Variants in TRAK2 observed in about 807,000 individuals in gnomAD.
TRAK2 encodes trafficking kinesin protein 2, also known as trafficking kinesin-binding protein 2.
TRAK2 carries 81 observed loss-of-function variants against 104.6 expected under a neutral mutation model. The ratio of observed to expected loss-of-function variants is 0.77; its 90% CI spans 0.65 to 0.93. The LOEUF is 0.93. Among genes scored for constraint, TRAK2 ranks in the 40% least tolerant of loss-of-function variants. The pLI is 0.00. For missense variants in TRAK2, 1,002 were observed against 1,089.0 expected (o/e 0.92, Z 1.12); for synonymous variants, 406 against 394.4 (o/e 1.03, Z -0.35).
chr2:201,407,909 C>T (rs1951609685), intron 2 of TRAK2, among the ~76,000 whole-genome samples: 1 of 152,056 alleles, frequency 6.6e-6, no homozygotes, highest in Non-Finnish European at 1.5e-5. Flanking sequence ...GATATTTTGA[C>T]ACCTGTATAC....
intron 1 of TRAK2, among the ~76,000 whole-genome samples, chr2:201,422,137 T>C (rs1951746760): frequency 6.6e-6 from 1 of 151,402 alleles, no homozygotes. Flanking sequence ...AATGCACACA[T>C]GCTGTAACTT....
At chr2:201,411,945 G>A in intron 2 of TRAK2, 2 of 982,082 alleles carry the variant, frequency 2.0e-6, no homozygotes, top group Non-Finnish European at 3.3e-6. Context: ...TGAATGGAAG[G>A]AGCTTCTAGT....
At position 201,430,419 on chromosome 2, in the gene TRAK2, C is replaced by T. The variant is rs529099804; in HGVS notation, c.-199-9713G>A. On this transcript the variant is annotated intron_variant, in intron 1 of 15. Transcript: ENST00000332624. ...TGCCTTTTGTTCAGCTATGCCCTGT[C>T]CCCAGAGGTGGAGTCTACAGAGGCA... 1.0e-3 allele frequency among the ~76,000 whole-genome samples: 156 copies of T among 152,366 alleles called. 2 individuals are homozygous for T. Among genetic ancestry groups the T allele is most frequent in the African/African-American group, 3.6e-3 (149 of 41,596 alleles).
chr2:201,416,405 CA>C (rs113793699), intron 2 of TRAK2, among the ~76,000 whole-genome samples: 2 of 150,466 alleles, frequency 1.3e-5, no homozygotes, highest in Admixed American at 1.3e-4. Context: ...GACCCTTTCT[CA>C]AAAAAAAAGT....
At chr2:201,394,965 G>T in intron 8 of TRAK2, 93 bp from the exon 9 acceptor site, 1 of 1,123,872 alleles carries the variant, frequency 8.9e-7, no homozygotes, top group Non-Finnish European at 1.3e-6. Context: ...TTTCTCTCTG[G>T]GGTATCATCT....
intron 1 of TRAK2, among the ~76,000 whole-genome samples, chr2:201,451,018 C>G (rs989846725): frequency 1.3e-5 from 2 of 152,156 alleles, no homozygotes; most frequent in Admixed American, 1.3e-4. Flanking sequence ...GTTTAATGCC[C>G]GACCCTAAAG....
chr2:201,390,690 G>A (rs1418606362), intron 10 of TRAK2, among the ~76,000 whole-genome samples: 1 of 151,578 alleles, frequency 6.6e-6, no homozygotes, highest in African/African-American at 2.4e-5. Flanking sequence ...CAGGGATGAG[G>A]ACTAAATCTA....
chr2:201,381,728 GTTTC>G (rs1280161074), intron 15 of TRAK2, among the ~76,000 whole-genome samples: 1 of 151,612 alleles, frequency 6.6e-6, no homozygotes, highest in Non-Finnish European at 1.5e-5. Flanking sequence ...TCTGGGAGAA[GTTTC>G]TTTCTTTTTA....
rs139072579 is a variant in TRAK2, at chr2:201,381,210, A to C, written c.2078T>G (p.Phe693Cys). 2 of 1,567,394 alleles carry C rather than the reference A, an allele frequency of 1.3e-6. No homozygotes were observed. Among genetic ancestry groups the C allele is most frequent in the Non-Finnish European group, 1.7e-6 (2 of 1,158,642 alleles). ...DITQVTPSSG[F>C]PSLSCGSSGS... The stretch of plus-strand genomic sequence containing the variant: ...GCTACTTCCACAGGATAATGAAGGG[A>C]ACCCAGAGCTTAAAAAAAAAAAAAA... The change falls in exon 16 of 16, where the codon TTC becomes TGC. Residue 693 changes from phenylalanine to cysteine, a missense_variant. Physicochemically the swap from Phe to Cys is radical, Grantham distance 205. Coordinates refer to ENST00000332624, the MANE Select transcript of TRAK2 (RefSeq NM_015049.3).
intron 11 of TRAK2, 57 bp downstream of exon 11, chr2:201,389,744 C>A: frequency 6.8e-7 from 1 of 1,473,182 alleles, no homozygotes; most frequent in Non-Finnish European, 9.3e-7. Context: ...TGGATTGTGG[C>A]TTCTTTTTAA....
At chr2:201,395,245 C>G in intron 8 of TRAK2, 69 bp downstream of exon 8, 1 of 1,355,178 alleles carries the variant, frequency 7.4e-7, no homozygotes, top group Admixed American at 1.9e-5. Context: ...TTGTATCTAG[C>G]ACTTAGCATG....
intron 1 of TRAK2, among the ~76,000 whole-genome samples, chr2:201,443,809 C>G (rs1348935526): frequency 1.3e-5 from 2 of 152,184 alleles, no homozygotes; most frequent in African/African-American, 4.8e-5. Context: ...CAACAAACCT[C>G]CTAACAAGGC....
chr2:201,450,607 T>G (rs1053054365), intron 1 of TRAK2, among the ~76,000 whole-genome samples: 8 of 151,982 alleles, frequency 5.3e-5, no homozygotes, highest in African/African-American at 1.5e-4. Context: ...TCGGGAAGAT[T>G]TACGGAGACC....
intron 14 of TRAK2, among the ~76,000 whole-genome samples, chr2:201,384,660 G>C (rs111515562): frequency 2.0e-5 from 3 of 152,290 alleles, no homozygotes; most frequent in African/African-American, 7.2e-5. Flanking sequence ...AAAAGCAATG[G>C]AAGGCAAAAT....
chr2:201,384,959 A>G (rs1951375660), intron 14 of TRAK2, among the ~76,000 whole-genome samples: 1 of 152,160 alleles, frequency 6.6e-6, no homozygotes, highest in Admixed American at 6.5e-5. Flanking sequence ...ATGGAATACC[A>G]TTTTTACTTG....
rs975953957 is a variant in TRAK2, at chr2:201,451,373, C to G, written c.-223G>C. ...ACTGGAGTGGTTCGGCATCCTCTGT[C>G]GTCCGCCCGCGCTTCCTCAGGAAGC... On this transcript the variant is annotated 5_prime_UTR_variant, in exon 1 of 16. Coordinates refer to ENST00000332624, the MANE Select transcript of TRAK2 (RefSeq NM_015049.3). 6.6e-6 allele frequency: 1 copy of G among 152,208 alleles called. No individual in the cohort carries two copies. Among genetic ancestry groups the G allele is most frequent in the African/African-American group, 2.4e-5 (1 of 41,466 alleles). 9.4% of individuals were successfully genotyped at this position (152,208 alleles called of 1,614,324 possible).
intron 7 of TRAK2, among the ~76,000 whole-genome samples, chr2:201,395,858 T>C (rs1201925346): frequency 1.3e-5 from 2 of 152,210 alleles, no homozygotes; most frequent in African/African-American, 4.8e-5. Flanking sequence ...CAATGAAAAT[T>C]AATCTTAACA....
intron 1 of TRAK2, among the ~76,000 whole-genome samples, chr2:201,431,007 A>G (rs559262673): frequency 5.3e-5 from 8 of 152,286 alleles, no homozygotes; most frequent in African/African-American, 1.9e-4. Flanking sequence ...CCAACTGTGT[A>G]CCCAGAATGA....
At chr2:201,407,359 C>A in intron 3 of TRAK2, 44 bp downstream of exon 3, 1 of 1,527,862 alleles carries the variant, frequency 6.5e-7, no homozygotes, top group South Asian at 1.2e-5. Context: ...TACCCATGAT[C>A]ATTACTTTAA....
Sources: allele counts gnomAD v4.1 joint callset (sites outside exome capture counted in the v4.1 genomes callset), GRCh38; gene constraint gnomAD v4.1.1; transcripts MANE v1.5; gene names NCBI Gene and HGNC (gene_info 2026-07-23, HGNC 2026-07-21).